The following NKAIN2 variants were observed in gnomAD, a reference collection of about 807,000 sequenced individuals.
The protein encoded by NKAIN2 is sodium/potassium-transporting ATPase subunit beta-1-interacting protein 2.
In NKAIN2, 14 loss-of-function variants were observed where a neutral mutation model predicts 32.6. That is an observed-to-expected ratio of 0.43 (90% CI 0.28 to 0.67). NKAIN2 has a LOEUF of 0.67. Among genes scored for constraint, NKAIN2 ranks in the 30% least tolerant of loss-of-function variants. NKAIN2 has a pLI of 0.17. For missense variants in NKAIN2, 198 were observed against 258.3 expected (o/e 0.77, Z 1.60); for synonymous variants, 80 against 87.2 (o/e 0.92, Z 0.46).
At chr6:123,978,047 C>T (rs756835319) in intron 1 of NKAIN2, among the ~76,000 whole-genome samples, 1 of 152,152 alleles carries the variant, frequency 6.6e-6, no homozygotes, top group African/African-American at 2.4e-5. Flanking sequence ...TAACTTAATA[C>T]TTATCATGTT....
At chr6:123,824,258 A>G (rs1007315321) in intron 1 of NKAIN2, among the ~76,000 whole-genome samples, 5 of 152,110 alleles carry the variant, frequency 3.3e-5, no homozygotes, top group African/African-American at 7.2e-5. Flanking sequence ...CACCCTACCA[A>G]TAATCACCAC....
chr6:124,725,827 T>A (rs1406983120), intron 4 of NKAIN2, among the ~76,000 whole-genome samples: 1 of 152,114 alleles, frequency 6.6e-6, no homozygotes, highest in African/African-American at 2.4e-5. Context: ...TGCCAGACAG[T>A]GGGCGCAGGT....
intron 2 of NKAIN2, among the ~76,000 whole-genome samples, chr6:124,338,043 T>G (rs1207119718): frequency 1.3e-5 from 2 of 152,220 alleles, no homozygotes; most frequent in African/African-American, 4.8e-5. Flanking sequence ...AATATATGGT[T>G]AATAATGCTT....
chr6:124,266,592 CT>C (rs34926800), intron 1 of NKAIN2, among the ~76,000 whole-genome samples: 1 of 152,090 alleles, frequency 6.6e-6, no homozygotes, highest in African/African-American at 2.4e-5. Context: ...TTTAATTGAA[CT>C]TTTTGCCATG....
At chr6:124,190,288 A>G (rs1021408964) in intron 1 of NKAIN2, among the ~76,000 whole-genome samples, 47 of 152,230 alleles carry the variant, frequency 3.1e-4, no homozygotes, top group Non-Finnish European at 8.8e-5. Flanking sequence ...GAGGTAAAGC[A>G]CTTTGTAAAT....
chr6:124,083,914 G>A (rs959292973), intron 1 of NKAIN2, among the ~76,000 whole-genome samples: 1 of 151,878 alleles, frequency 6.6e-6, no homozygotes, highest in Non-Finnish European at 1.5e-5. Context: ...ATGAAAAGCA[G>A]GAAACTAAAG....
At chr6:124,248,218 A>G (rs1793517184) in intron 1 of NKAIN2, among the ~76,000 whole-genome samples, 1 of 152,038 alleles carries the variant, frequency 6.6e-6, no homozygotes, top group South Asian at 2.1e-4. Flanking sequence ...CCATTTTTCT[A>G]GTAATCTTCT....
chr6:124,820,705 G>A (rs1466207263), intron 6 of NKAIN2, among the ~76,000 whole-genome samples: 2 of 152,192 alleles, frequency 1.3e-5, no homozygotes, highest in Non-Finnish European at 2.9e-5. Context: ...CAGCAGGTGA[G>A]GGAACATTAC....
intron 1 of NKAIN2, among the ~76,000 whole-genome samples, chr6:124,156,842 C>T (rs752132491): frequency 6.6e-6 from 1 of 151,774 alleles, no homozygotes; most frequent in Non-Finnish European, 1.5e-5. Flanking sequence ...AGTGGCTCAC[C>T]CCTGTAATCC....
chr6:124,788,278 T>C (rs1228126513), intron 4 of NKAIN2, among the ~76,000 whole-genome samples: 2 of 152,072 alleles, frequency 1.3e-5, no homozygotes, highest in African/African-American at 4.8e-5. Flanking sequence ...TGTTTAAACA[T>C]TGACAACACA....
chr6:123,863,314 T>TAACTGTAAC (rs1775860144), intron 1 of NKAIN2, among the ~76,000 whole-genome samples: 1 of 152,244 alleles, frequency 6.6e-6, no homozygotes, highest in African/African-American at 2.4e-5. Context: ...GGTTTATAGA[T>TAACTGTAAC]AACTGTAACA....
intron 5 of NKAIN2, among the ~76,000 whole-genome samples, chr6:124,815,390 C>G (rs1171462298): frequency 1.3e-5 from 2 of 151,764 alleles, no homozygotes; most frequent in Non-Finnish European, 2.9e-5. Context: ...ACTCCTGAGC[C>G]TCCCGAGTAG....
At chr6:123,837,334 G>A (rs1358644292) in intron 1 of NKAIN2, among the ~76,000 whole-genome samples, 2 of 151,368 alleles carry the variant, frequency 1.3e-5, no homozygotes, top group Non-Finnish European at 2.9e-5. Flanking sequence ...CAGCTCCATA[G>A]GTCCTACAAC....
At chr6:124,731,827 C>T (rs1326134137) in intron 4 of NKAIN2, among the ~76,000 whole-genome samples, 1 of 152,034 alleles carries the variant, frequency 6.6e-6, no homozygotes, top group Non-Finnish European at 1.5e-5. Flanking sequence ...TGGAACTATT[C>T]TGTCTCTACA....
intron 3 of NKAIN2, among the ~76,000 whole-genome samples, chr6:124,515,698 T>C (rs1778881821): frequency 4.8e-4 from 2 of 4,182 alleles, no homozygotes; most frequent in East Asian, 0.036. Flanking sequence ...CCTACTTCAT[T>C]TTTCTTCGCT....
chr6:124,444,813 GC>G (rs1775824388), intron 3 of NKAIN2, among the ~76,000 whole-genome samples: 1 of 151,778 alleles, frequency 6.6e-6, no homozygotes, highest in Non-Finnish European at 1.5e-5. Context: ...GATTCAAGGA[GC>G]TTTTTTGAAA....
At chr6:124,521,804 A>G (rs540489128) in intron 3 of NKAIN2, among the ~76,000 whole-genome samples, 53 of 152,190 alleles carry the variant, frequency 3.5e-4, no homozygotes, top group African/African-American at 1.3e-3. Context: ...TGGACACAGT[A>G]TATCTGTAAT....
At chr6:124,169,498 T>C (rs1299573188) in intron 1 of NKAIN2, among the ~76,000 whole-genome samples, 1 of 152,186 alleles carries the variant, frequency 6.6e-6, no homozygotes, top group Non-Finnish European at 1.5e-5. Context: ...TAATATCTCT[T>C]AGTTCCTAAA....
At chr6:124,630,467 T>A (rs1017572754) in intron 3 of NKAIN2, among the ~76,000 whole-genome samples, 1 of 152,164 alleles carries the variant, frequency 6.6e-6, no homozygotes, top group Non-Finnish European at 1.5e-5. Context: ...TAATACAGAA[T>A]GAAAAAGCAA....
Sources: allele counts gnomAD v4.1 joint callset (sites outside exome capture counted in the v4.1 genomes callset), GRCh38; gene constraint gnomAD v4.1.1; transcripts MANE v1.5; gene names NCBI Gene and HGNC (gene_info 2026-07-23, HGNC 2026-07-21).